STK31: variants seen among roughly 807,000 people sequenced by gnomAD.
STK31 encodes the protein serine/threonine kinase 31, also known as serine/threonine-protein kinase 31.
Under a neutral mutation model 129.7 loss-of-function variants are expected in STK31, and 89 were observed. The observed-to-expected ratio is 0.69, with a 90% CI of 0.58 to 0.82. The LOEUF is 0.82. STK31 is among the 40% of genes least tolerant of loss of function. The pLI is 0.00. For synonymous variants in STK31, 448 were observed against 395.3 expected (o/e 1.13, Z -1.58); for missense variants, 1,187 against 1,176.4 (o/e 1.01, Z -0.13).
chr7:23,752,006 TAG>T (rs1788742972), intron 8 of STK31, among the ~76,000 whole-genome samples: 1 of 152,050 alleles, frequency 6.6e-6, no homozygotes, highest in Non-Finnish European at 1.5e-5. Context: ...GTTTGAGAGA[TAG>T]AGTTTTAATT....
At chr7:23,809,793 C>T (rs551857192) in intron 22 of STK31, among the ~76,000 whole-genome samples, 46 of 150,478 alleles carry the variant, frequency 3.1e-4, no homozygotes, top group Non-Finnish European at 5.3e-4. Context: ...TAATTCAGTA[C>T]CGTAACATAC....
chr7:23,715,028 G>T (rs1322914597), intron 3 of STK31, among the ~76,000 whole-genome samples: 1 of 152,086 alleles, frequency 6.6e-6, no homozygotes, highest in Admixed American at 6.5e-5. Context: ...GGAAACATGC[G>T]CATGAAAAGA....
intron 15 of STK31, among the ~76,000 whole-genome samples, chr7:23,776,066 T>C (rs1296358517): frequency 6.6e-6 from 1 of 152,290 alleles, no homozygotes; most frequent in African/African-American, 2.4e-5. Flanking sequence ...AAAGGCTTTT[T>C]CTGCATCTGT....
At chr7:23,747,218 T>C (rs1187147411) in intron 8 of STK31, among the ~76,000 whole-genome samples, 1 of 152,200 alleles carries the variant, frequency 6.6e-6, no homozygotes, top group Non-Finnish European at 1.5e-5. Flanking sequence ...CCTCTGCTTC[T>C]ATTCAATGAC....
chr7:23,791,408 TGG>T, intron 22 of STK31: 9 of 587,390 alleles, frequency 1.5e-5, no homozygotes, highest in Non-Finnish European at 1.9e-5. Flanking sequence ...CACTTATAAG[TGG>T]GAGCTAAACA....
At chr7:23,739,853 A>G (rs1028528761) in intron 8 of STK31, among the ~76,000 whole-genome samples, 1 of 152,126 alleles carries the variant, frequency 6.6e-6, no homozygotes, top group Non-Finnish European at 1.5e-5. Flanking sequence ...TGGTACCAGT[A>G]GCATGCTGTT....
chr7:23,803,428 A>G (rs926719443), intron 22 of STK31, among the ~76,000 whole-genome samples: 4 of 152,212 alleles, frequency 2.6e-5, no homozygotes, highest in African/African-American at 9.6e-5. Context: ...TACTAACTAG[A>G]TATTTTGGGC....
chr7:23,710,353 TGGTACGTGCA>T lies in STK31; in HGVS notation c.50+20_50+29del, dbSNP rs772441303. The T allele has an allele frequency of 1.2e-6, 2 of 1,613,464 alleles. No homozygotes were observed. The highest frequency in any genetic ancestry group is 4.5e-5 in the East Asian group (2 of 44,876). Reference sequence around the variant, plus strand: ...AGTGTGAGGTCAGTAGTAGTTTTTGTGGTACGTGCAGTGGTGGCCGCTTCAAGGACTATTT... The same window carrying T: ...AGTGTGAGGTCAGTAGTAGTTTTTGTGTGGTGGCCGCTTCAAGGACTATTT... On this transcript the variant is annotated intron_variant, in intron 1 of 23. Transcript: ENST00000355870.
At position 23,787,979 on chromosome 7, in the gene STK31, G is replaced by A. The variant is rs1317682854; in HGVS notation, c.2488-1G>A. ...CTTCTTTTATGTGTACTTATCTATAGGAAACTTTAAAGGTCATGAAAGGTG... is the reference window on the plus strand; with the variant it reads ...CTTCTTTTATGTGTACTTATCTATAAGAAACTTTAAAGGTCATGAAAGGTG... On this transcript the variant is annotated splice_acceptor_variant, in intron 20 of 23. Transcript: ENST00000355870. LOFTEE classifies it high-confidence loss of function. 1.3e-6 allele frequency: 2 copies of A among 1,547,024 alleles called. No homozygotes were observed. The highest frequency in any genetic ancestry group is 1.7e-6 in the Non-Finnish European group (2 of 1,150,278).
At chr7:23,819,922 A>G (rs1407912805) in intron 23 of STK31, among the ~76,000 whole-genome samples, 1 of 152,178 alleles carries the variant, frequency 6.6e-6, no homozygotes, top group Non-Finnish European at 1.5e-5. Context: ...CTAGAGAGTG[A>G]TCACTTAAAA....
chr7:23,733,002 T>G, intron 6 of STK31, among the ~76,000 whole-genome samples: 1 of 152,158 alleles, frequency 6.6e-6, no homozygotes, highest in East Asian at 1.9e-4. Context: ...CCCATTTGAT[T>G]GGTGATAACT....
At chr7:23,748,785 C>A (rs976836090) in intron 8 of STK31, among the ~76,000 whole-genome samples, 1 of 152,178 alleles carries the variant, frequency 6.6e-6, no homozygotes, top group Non-Finnish European at 1.5e-5. Context: ...TACTTGCTAA[C>A]TGATGGCTTG....
intron 22 of STK31, among the ~76,000 whole-genome samples, chr7:23,806,626 C>T (rs567857542): frequency 1.7e-4 from 26 of 152,222 alleles, no homozygotes; most frequent in African/African-American, 5.5e-4. Context: ...TTGGGCCGGG[C>T]GCGGTGGCTC....
At chr7:23,735,996 C>G in intron 7 of STK31, 100 bp downstream of exon 7, 6 of 991,868 alleles carry the variant, frequency 6.0e-6, no homozygotes, top group Non-Finnish European at 8.7e-6. Flanking sequence ...TTTACTGTGT[C>G]AGTGATTTTA....
intron 11 of STK31, among the ~76,000 whole-genome samples, chr7:23,765,087 G>T (rs149201550): frequency 6.6e-6 from 1 of 150,588 alleles, no homozygotes; most frequent in African/African-American, 2.4e-5. Context: ...ATGGAGTCTC[G>T]CTCTGTCGCC....
rs1358210337 is a variant in STK31, at chr7:23,821,218, T to C, written c.2829+6006T>C. 5.3e-5 allele frequency among the ~76,000 whole-genome samples: 8 copies of C among 152,210 alleles called. No individual in the cohort carries two copies. The East Asian group carries it at 9.6e-4, about 18-fold the overall frequency. On this transcript the variant is annotated intron_variant, in intron 23 of 23. Transcript: ENST00000355870. ...CCATTTTTAGTTTTTTGGAAAATAT[T>C]TGTACTATTTTCCATAGTGGCTATA...
chr7:23,750,755 A>C (rs1487576442), intron 8 of STK31, among the ~76,000 whole-genome samples: 2 of 152,110 alleles, frequency 1.3e-5, no homozygotes, highest in African/African-American at 4.8e-5. Context: ...TTCTTGGTAC[A>C]TAGTATTTGT....
intron 15 of STK31, among the ~76,000 whole-genome samples, chr7:23,781,042 C>T: frequency 6.6e-6 from 1 of 152,138 alleles, no homozygotes; most frequent in Admixed American, 6.5e-5. Context: ...TTGTTTTTAA[C>T]TAAATATCAT....
At chr7:23,808,943 T>TTATGTGTG (rs71552258) in intron 22 of STK31, among the ~76,000 whole-genome samples, 19 of 84,434 alleles carry the variant, frequency 2.3e-4, no homozygotes, top group Admixed American at 5.6e-4. Context: ...CTTGGAGCTT[T>TTATGTGTG]TGTGTGTGTG....
Sources: allele counts gnomAD v4.1 joint callset (sites outside exome capture counted in the v4.1 genomes callset), GRCh38; gene constraint gnomAD v4.1.1; transcripts MANE v1.5; gene names NCBI Gene and HGNC (gene_info 2026-07-23, HGNC 2026-07-21).